GALNT11: variants seen among roughly 807,000 people sequenced by gnomAD.
GALNT11 encodes the protein UDP-GalNAc:polypeptide N-acetylgalactosaminyltransferase 11.
GALNT11 carries 47 observed loss-of-function variants against 72.7 expected under a neutral mutation model. That is an observed-to-expected ratio of 0.65 (90% confidence interval 0.51 to 0.82). The LOEUF (loss-of-function observed/expected upper bound fraction) is 0.82, where lower values mean the gene tolerates loss of function less well. Ranked by LOEUF, GALNT11 falls within the 40% of genes least tolerant of loss-of-function variation. GALNT11 has a pLI of 0.00. For missense variants in GALNT11, 677 were observed against 778.4 expected, an observed-to-expected ratio of 0.87 and a Z score of 1.55; for synonymous variants, 270 against 286.6, an observed-to-expected ratio of 0.94 and a Z score of 0.58.
chr7:152,040,263 A>C (rs2082791030), intron 1 of GALNT11, among the ~76,000 whole-genome samples: 1 of 151,984 alleles, frequency 6.6e-6, no homozygotes, highest in African/African-American at 2.4e-5. Flanking sequence ...AAAGGTGTCC[A>C]CACATACATG....
chr7:152,091,535 C>T lies in GALNT11; in HGVS notation c.-38-2655C>T, dbSNP rs545891723. Among the ~76,000 whole-genome samples, 10 of 152,192 alleles carry T rather than the reference C, an allele frequency of 6.6e-5. No individual in the cohort carries two copies. In the South Asian group the frequency reaches 1.5e-3, roughly 22 times the overall value. On this transcript the variant is annotated intron_variant, in intron 1 of 11. Coordinates refer to ENST00000430044, the MANE Select transcript of GALNT11 (RefSeq NM_022087.4). The stretch of plus-strand genomic sequence containing the variant: ...GATTACAGGCGTGAGCCACCGCGCC[C>T]GGCCCTAATTTTTTGTATTTTTAGT...
At chr7:152,100,733 A>G in intron 2 of GALNT11, 65 bp from the exon 3 acceptor site, 6 of 1,571,576 alleles carry the variant, frequency 3.8e-6, no homozygotes, top group Non-Finnish European at 5.2e-6. Flanking sequence ...TAAGATCATA[A>G]TATCGTTAAC....
chr7:152,074,133 G>A (rs1012933045), intron 1 of GALNT11, among the ~76,000 whole-genome samples: 10 of 152,154 alleles, frequency 6.6e-5, no homozygotes, highest in African/African-American at 2.4e-4. Flanking sequence ...CTGTATAGAA[G>A]TTTTTTAGTG....
chr7:152,085,610 A>G (rs578001682), intron 1 of GALNT11, among the ~76,000 whole-genome samples: 2 of 151,594 alleles, frequency 1.3e-5, no homozygotes, highest in African/African-American at 4.8e-5. Flanking sequence ...TTAAAGTTTT[A>G]GCTTTTGATT....
intron 3 of GALNT11, among the ~76,000 whole-genome samples, chr7:152,101,342 A>G (rs764069061): frequency 3.3e-5 from 5 of 152,122 alleles, no homozygotes; most frequent in Non-Finnish European, 1.5e-5. Flanking sequence ...ACAGACAGAC[A>G]TTTGTTGAGC....
chr7:152,088,613 C>G (rs141053677), intron 1 of GALNT11, among the ~76,000 whole-genome samples: 1 of 151,806 alleles, frequency 6.6e-6, no homozygotes, highest in African/African-American at 2.4e-5. Flanking sequence ...TGGTAACAGC[C>G]TCAGAAAGGG....
chr7:152,054,595 T>G lies in GALNT11; in HGVS notation c.-39+28711T>G, dbSNP rs573082180. ...GCTATGGTCATGGCTTACTGCAGCC[T>G]TGATTTAGTGGGCTCAAGTGATCCT... is the stretch of plus-strand genomic sequence containing the variant. On this transcript the variant is annotated intron_variant, in intron 1 of 11. Transcript: ENST00000430044. Among the ~76,000 whole-genome samples the G allele has an allele frequency of 2.6e-5, 4 of 151,216 alleles. No homozygotes were observed. In the East Asian group the frequency reaches 7.8e-4, roughly 29 times the overall value.
At chr7:152,062,754 T>C (rs115294074) in intron 1 of GALNT11, among the ~76,000 whole-genome samples, 1,759 of 152,366 alleles carry the variant, frequency 0.012, 36 homozygotes, top group African/African-American at 0.041. Flanking sequence ...TCCGTTTATA[T>C]GGTAGATTAC....
rs746458339 is a variant in GALNT11 at position 152,113,367 on chromosome 7, G to A, written c.1202G>A (p.Arg401Gln). 7.4e-6 allele frequency: 12 copies of A among 1,613,694 alleles called. No homozygotes were observed. Among genetic ancestry groups the A allele is most frequent in the African/African-American group, 1.3e-5 (1 of 74,896 alleles). Residue 401 changes from arginine to glutamine, a missense_variant, in exon 8 of 12, where the codon CGG becomes CAG. Physicochemically the swap from Arg to Gln is conservative, Grantham distance 43. Transcript: ENST00000430044. ...GQDTMTHNSL[R>Q]LAHVWLDEYK... is the part of the protein sequence containing the mutation. The stretch of plus-strand genomic sequence containing the variant: ...GACACCATGACACACAACTCTTTGC[G>A]GCTGGCACATGTCTGGTTGGATGAA...
chr7:152,052,478 T>A (rs2083451307), intron 1 of GALNT11, among the ~76,000 whole-genome samples: 2 of 152,324 alleles, frequency 1.3e-5, no homozygotes, highest in South Asian at 4.1e-4. Context: ...GTTTAACATA[T>A]TGAGGAACTG....
rs1425181273 is a variant in GALNT11, at chr7:152,113,300, A to T, written c.1135A>T (p.Ile379Phe). Residue 379 changes from isoleucine (I) to phenylalanine (F), a missense_variant, in exon 8 of 12, where the codon ATT (isoleucine) becomes TTT (phenylalanine). Coordinates refer to ENST00000430044, the MANE Select transcript of GALNT11 (RefSeq NM_022087.4). Reference sequence around the variant, plus strand: ...CATCCCTTGCTCTAGAGTAGGACACATTTTCCGAAAAAGGCGACCATATGG... The same window carrying T: ...CATCCCTTGCTCTAGAGTAGGACACTTTTTCCGAAAAAGGCGACCATATGG... The part of the protein sequence containing the change: ...FIIPCSRVGH[I>F]FRKRRPYGSP... The T allele has an allele frequency of 6.2e-7, 1 of 1,614,064 alleles. No homozygotes were observed. The highest frequency in any genetic ancestry group is 1.7e-5 in the Admixed American group (1 of 59,988).
intron 5 of GALNT11, among the ~76,000 whole-genome samples, chr7:152,106,783 G>A (rs2087608831): frequency 6.6e-6 from 1 of 152,162 alleles, no homozygotes. Flanking sequence ...AGTTTGCATG[G>A]AAGTCATTGT....
intron 2 of GALNT11, among the ~76,000 whole-genome samples, chr7:152,099,541 T>TG (rs1260738434): frequency 8.4e-5 from 11 of 130,322 alleles, no homozygotes; most frequent in Admixed American, 4.6e-4. Flanking sequence ...TTTTTTTTTT[T>TG]TTTTTTTTTT....
chr7:152,026,050 C>T (rs2081993780), intron 1 of GALNT11, among the ~76,000 whole-genome samples, 166 bp downstream of exon 1: 1 of 151,876 alleles, frequency 6.6e-6, no homozygotes. Context: ...CTCGTGTCTC[C>T]GGGAGACGCC....
At chr7:152,063,455 T>C (rs867778417) in intron 1 of GALNT11, among the ~76,000 whole-genome samples, 2 of 152,350 alleles carry the variant, frequency 1.3e-5, no homozygotes, top group Middle Eastern at 6.8e-3. Context: ...TTTGTGTCTC[T>C]ATCTCCTTCA....
At position 152,117,268 on chromosome 7, in the gene GALNT11, GATAATGT is replaced by G; in HGVS notation, c.1349_1355del (p.Asn450ThrfsTer80). Reference sequence around the variant, plus strand: ...CTGTAAATCATTTAAATGGTATTTGGATAATGTATACCCAGAGATGCAGATATCTGGG... The same window carrying G: ...CTGTAAATCATTTAAATGGTATTTGGATACCCAGAGATGCAGATATCTGGG... On this transcript the variant is annotated frameshift_variant, in exon 9 of 12. Transcript: ENST00000430044. LOFTEE classifies it high-confidence loss of function. The G allele has an allele frequency of 6.2e-7, 1 of 1,614,156 alleles. No homozygotes were observed. Among genetic ancestry groups the G allele is most frequent in the Non-Finnish European group, 8.5e-7 (1 of 1,180,042 alleles).
At chr7:152,057,004 ATTTTTTTTT>A (rs71198754) in intron 1 of GALNT11, among the ~76,000 whole-genome samples, 1 of 74,930 alleles carries the variant, frequency 1.3e-5, no homozygotes, top group Non-Finnish European at 2.7e-5. Flanking sequence ...ATGCCCAGCT[ATTTTTTTTT>A]TTTTTTTTTT....
In GALNT11 at chr7:152,105,792, G is replaced by A. The variant is rs569435653; in HGVS notation, c.712+422G>A. Among the ~76,000 whole-genome samples the A allele has an allele frequency of 2.0e-5, 3 of 152,288 alleles. No individual in the cohort carries two copies. The East Asian group carries it at 5.8e-4, about 29-fold the overall frequency. ...CTCTTAGTGCGGAGTGCATCCCTCT[G>A]GAGCCACACATCATGACTTTAATTG... On this transcript the variant is annotated intron_variant, in intron 5 of 11. Transcript: ENST00000430044.
intron 1 of GALNT11, among the ~76,000 whole-genome samples, chr7:152,054,495 TTTC>T (rs1427982729): frequency 6.6e-6 from 1 of 150,952 alleles, no homozygotes; most frequent in Non-Finnish European, 1.5e-5. Flanking sequence ...AATGAATTTT[TTTC>T]TTGTCTTTTT....
Sources: gnomAD v4.1 joint callset for allele counts (sites outside exome capture counted in the v4.1 genomes callset) on GRCh38, gnomAD v4.1.1 for gene constraint, MANE v1.5 for transcripts, NCBI Gene and HGNC (gene_info 2026-07-23, HGNC 2026-07-21) for gene names.